ZNF154: variants seen among roughly 807,000 people sequenced by gnomAD.
ZNF154 encodes the protein zinc finger protein 154, also known as zinc finger protein 154 (pHZ-92).
In ZNF154, 6 loss-of-function variants were observed where a neutral mutation model predicts 7.5. That is an observed-to-expected ratio of 0.80 (90% CI 0.44 to 1.57). The LOEUF is 1.57. ZNF154 is among the 40% of genes most tolerant of loss of function. The pLI is 0.01. For missense variants in ZNF154, 485 were observed against 531.4 expected, an observed-to-expected ratio of 0.91 and a Z score of 0.86; for synonymous variants, 187 against 185.9, an observed-to-expected ratio of 1.01 and a Z score of -0.05.
rs1985045029 is a variant in ZNF154, at chr19:57,699,754, C to G, written c.*1881G>C. 1 of 152,802 alleles carries G rather than the reference C, an allele frequency of 6.5e-6. No individual in the cohort carries two copies. Among genetic ancestry groups the G allele is most frequent in the African/African-American group, 2.4e-5 (1 of 41,448 alleles). 9.5% of individuals were successfully genotyped at this position (152,802 alleles called of 1,614,324 possible). On this transcript the variant is annotated 3_prime_UTR_variant, in exon 3 of 3. Coordinates refer to ENST00000684351, the MANE Select transcript of ZNF154 (RefSeq NM_001085384.3). ...TTGGGAGGCCAAGGTGGGTGGATCA[C>G]ATGAAGTCAGGAGTTCAAGACCAGC...
chr19:57,704,403 A>C (rs1328971556), intron 2 of ZNF154, among the ~76,000 whole-genome samples: 2 of 152,202 alleles, frequency 1.3e-5, no homozygotes, highest in African/African-American at 4.8e-5. Flanking sequence ...CAAATACTAC[A>C]AAGAAAATTT....
In ZNF154 at chr19:57,700,127, C is replaced by G. The variant is rs1464182030; in HGVS notation, c.*1508G>C. On this transcript the variant is annotated 3_prime_UTR_variant, in exon 3 of 3. Coordinates refer to ENST00000684351, the MANE Select transcript of ZNF154 (RefSeq NM_001085384.3). ...CTATGTTGATTCCACCATCTCTCTC[C>G]TCATGTCCTGGGAGAGGATTTTGCC... 1 of 152,180 alleles carries G rather than the reference C, an allele frequency of 6.6e-6. No homozygotes were observed. Among genetic ancestry groups the G allele is most frequent in the African/African-American group, 2.4e-5 (1 of 41,434 alleles). The allele number at this position is 152,180 out of a possible 1,614,324, so 9.4% of individuals were successfully genotyped here.
At position 57,698,090 on chromosome 19, in the gene ZNF154, C is replaced by A. The variant is rs946617214; in HGVS notation, c.*3545G>T. ...ATGAATAAACGAATACTGGTATATC[C>A]ACAGAACATCATACTTCTCAGCAAT... On this transcript the variant is annotated 3_prime_UTR_variant, in exon 3 of 3. Transcript: ENST00000684351. 6.6e-6 allele frequency: 1 copy of A among 151,842 alleles called. No individual in the cohort carries two copies. Among genetic ancestry groups the A allele is most frequent in the African/African-American group, 2.4e-5 (1 of 41,332 alleles). The allele number at this position is 151,842 out of a possible 1,614,324, so 9.4% of individuals were successfully genotyped here. A position where few individuals can be genotyped will look rare whatever the true frequency, so the allele number is the denominator to read the frequency against.
intron 2 of ZNF154, among the ~76,000 whole-genome samples, 169 bp from the exon 3 acceptor site, chr19:57,702,957 G>C (rs1210099270): frequency 6.6e-6 from 1 of 152,142 alleles, no homozygotes; most frequent in Non-Finnish European, 1.5e-5. Context: ...GTCCTGAGTT[G>C]GGTCACTCCT....
chr19:57,707,921 T>C (rs1985455272), intron 1 of ZNF154, among the ~76,000 whole-genome samples: 2 of 152,056 alleles, frequency 1.3e-5, no homozygotes, highest in East Asian at 1.9e-4. Flanking sequence ...AGACCCAGGA[T>C]TGGGGTAACA....
rs536088762 is a variant in ZNF154 at position 57,702,614 on chromosome 19, G to A, written c.335C>T (p.Thr112Ile). ...LGFLHQQAAH[T>I]GEQSNSKSDG... ...GCTTTTGCTATTTGATTGCTCCCCA[G>A]TGTGAGCAGCCTGTTGATGGAGAAA... Residue 112 changes from threonine (T) to isoleucine (I), a missense_variant, in exon 3 of 3, where the codon ACT becomes ATT. Transcript: ENST00000684351. 2 of 1,606,854 alleles carry A rather than the reference G, an allele frequency of 1.2e-6. No individual in the cohort carries two copies. The highest frequency in any genetic ancestry group is 1.7e-5 in the Admixed American group (1 of 59,782).
chr19:57,708,862 G>T, intron 1 of ZNF154, 77 bp downstream of exon 1: 1 of 1,529,864 alleles, frequency 6.5e-7, no homozygotes, highest in South Asian at 1.2e-5. Context: ...GCGGGGACTC[G>T]AGCAGGCGCC....
chr19:57,702,172 T>C lies in ZNF154; in HGVS notation c.777A>G (p.Ala259=). The C allele has an allele frequency of 1.2e-6, 2 of 1,612,526 alleles. No homozygotes were observed. The highest frequency in any genetic ancestry group is 1.7e-6 in the Non-Finnish European group (2 of 1,179,594). ...TGTGAACTCCCCGATGTTGAAGGAG[T>C]GCAGACCTTTGGCTAAAGGATTTCC... ...ECGKSFSQRS[A]LLQHRGVHTG... The change falls in exon 3 of 3, where the codon GCA becomes GCG. Residue 259 remains alanine, a synonymous_variant. Transcript: ENST00000684351.
chr19:57,696,845 C>A lies in ZNF154; in HGVS notation c.*4790G>T, dbSNP rs1984913856. Among the ~76,000 whole-genome samples, 1 of 152,164 alleles carries A rather than the reference C, an allele frequency of 6.6e-6. No individual in the cohort carries two copies. Among genetic ancestry groups the A allele is most frequent in the Non-Finnish European group, 1.5e-5 (1 of 68,032 alleles). On this transcript the variant is annotated 3_prime_UTR_variant, in exon 3 of 3. Transcript: ENST00000684351. ...TCCTCACCTTGGAAAGAAATCAGGG[C>A]TCCAACTAGAGCTGCCTTGCTGGAA...
At chr19:57,707,013 T>C (rs1264000281) in intron 1 of ZNF154, among the ~76,000 whole-genome samples, 1 of 150,056 alleles carries the variant, frequency 6.7e-6, no homozygotes, top group African/African-American at 2.5e-5. Context: ...CTCGGGAGGC[T>C]GAGGCAGGAG....
intron 1 of ZNF154, among the ~76,000 whole-genome samples, chr19:57,707,185 T>C (rs1254122796): frequency 1.3e-5 from 2 of 151,464 alleles, no homozygotes; most frequent in African/African-American, 4.9e-5. Context: ...GTCCACACAA[T>C]GACCACCACA....
Position 57,703,280 on chromosome 19 carries a change from G to C in ZNF154, c.161-492C>G, listed in dbSNP as rs144512672. ...AGGTGGGTGGATCACAAAGTCAGGAGTTTGAGACCAGCCTGGCCAATATGG... is the reference window on the plus strand; with the variant it reads ...AGGTGGGTGGATCACAAAGTCAGGACTTTGAGACCAGCCTGGCCAATATGG... On this transcript the variant is annotated intron_variant, in intron 2 of 2. Transcript: ENST00000684351. 3.8e-4 allele frequency among the ~76,000 whole-genome samples: 58 copies of C among 152,178 alleles called. No homozygotes were observed. In the East Asian group the frequency reaches 0.011, roughly 28 times the overall value.
intron 1 of ZNF154, among the ~76,000 whole-genome samples, chr19:57,707,350 C>T (rs554731699): frequency 6.6e-6 from 1 of 152,226 alleles, no homozygotes; most frequent in East Asian, 1.9e-4. Context: ...CTGTTAATAC[C>T]AACTTCTCCA....
intron 1 of ZNF154, among the ~76,000 whole-genome samples, chr19:57,708,318 A>G (rs1406434003): frequency 6.6e-6 from 1 of 152,238 alleles, no homozygotes; most frequent in Non-Finnish European, 1.5e-5. Flanking sequence ...CTGTAATCCC[A>G]GCACTTTGGG....
At chr19:57,703,712 G>A (rs1013632593) in intron 2 of ZNF154, among the ~76,000 whole-genome samples, 1 of 151,882 alleles carries the variant, frequency 6.6e-6, no homozygotes, top group African/African-American at 2.4e-5. Context: ...TTCAAGGACT[G>A]TTTAAGAGTA....
intron 2 of ZNF154, 100 bp downstream of exon 2, chr19:57,704,753 G>A: frequency 6.9e-7 from 1 of 1,459,348 alleles, no homozygotes; most frequent in Non-Finnish European, 9.2e-7. Context: ...GAAAGAAGCA[G>A]AGCCCATAGT....
chr19:57,708,927 C>T lies in ZNF154; in HGVS notation c.33+12G>A, dbSNP rs747214418. The T allele has an allele frequency of 4.5e-6, 7 of 1,559,814 alleles. No individual in the cohort carries two copies. The highest frequency in any genetic ancestry group is 5.2e-6 in the Non-Finnish European group (6 of 1,152,278). On this transcript the variant is annotated intron_variant, in intron 1 of 2. Coordinates refer to ENST00000684351, the MANE Select transcript of ZNF154 (RefSeq NM_001085384.3). The stretch of plus-strand genomic sequence containing the variant: ...GGGAAGGTGTGTGAGGACGGGAAGA[C>T]GCCGCACTCACCTGAGTTGGCGTCC...
rs1292501781 is a variant in ZNF154, at chr19:57,696,564, G to A, written c.*5071C>T. 1.3e-5 allele frequency among the ~76,000 whole-genome samples: 2 copies of A among 152,202 alleles called. No individual in the cohort carries two copies. Among genetic ancestry groups the A allele is most frequent in the African/African-American group, 2.4e-5 (1 of 41,446 alleles). Reference sequence around the variant, plus strand: ...GGATTAAACCCAGGCAGCAGAGGGAGCAGAGGGCCTGGGGCAGCCAGGCAC... The same window carrying A: ...GGATTAAACCCAGGCAGCAGAGGGAACAGAGGGCCTGGGGCAGCCAGGCAC... On this transcript the variant is annotated 3_prime_UTR_variant, in exon 3 of 3. Coordinates refer to ENST00000684351, the MANE Select transcript of ZNF154 (RefSeq NM_001085384.3).
At chr19:57,703,373 G>A (rs1309991341) in intron 2 of ZNF154, among the ~76,000 whole-genome samples, 1 of 150,616 alleles carries the variant, frequency 6.6e-6, no homozygotes, top group Admixed American at 6.7e-5. Context: ...GTAGTCCCAG[G>A]ACTCAGGAGG....
Sources: allele counts gnomAD v4.1 joint callset (sites outside exome capture counted in the v4.1 genomes callset), GRCh38; gene constraint gnomAD v4.1.1; transcripts MANE v1.5; gene names NCBI Gene and HGNC (gene_info 2026-07-23, HGNC 2026-07-21).